CNTNAP2: variants seen among roughly 807,000 people sequenced by gnomAD.
CNTNAP2 encodes contactin-associated protein-like 2.
CNTNAP2 carries 98 observed loss-of-function variants against 155.2 expected under a neutral mutation model. The observed-to-expected ratio is 0.63, with a 90% CI of 0.54 to 0.75. The LOEUF is 0.75. CNTNAP2 is among the 30% of genes least tolerant of loss of function. The pLI, the probability that CNTNAP2 is intolerant of heterozygous loss-of-function variation, is 0.00. For missense variants in CNTNAP2, 1,727 were observed against 1,688.1 expected, an observed-to-expected ratio of 1.02 and a Z score of -0.40; for synonymous variants, 651 against 631.2, an observed-to-expected ratio of 1.03 and a Z score of -0.47.
intron 22 of CNTNAP2, among the ~76,000 whole-genome samples, chr7:148,387,221 G>A (rs550267483): frequency 2.2e-4 from 34 of 152,194 alleles, no homozygotes; most frequent in Admixed American, 2.2e-3. Flanking sequence ...ATACCAACTC[G>A]GGTTCTAAGT....
At chr7:147,145,465 C>T (rs945030667) in intron 8 of CNTNAP2, among the ~76,000 whole-genome samples, 1 of 152,088 alleles carries the variant, frequency 6.6e-6, no homozygotes, top group Non-Finnish European at 1.5e-5. Flanking sequence ...TATTTGTCAC[C>T]AAATGTCAAT....
intron 13 of CNTNAP2, among the ~76,000 whole-genome samples, chr7:147,719,546 A>G (rs902781553): frequency 1.3e-5 from 2 of 152,108 alleles, no homozygotes; most frequent in Admixed American, 1.3e-4. Flanking sequence ...AATAATAACA[A>G]CAGCAACCAC....
intron 10 of CNTNAP2, among the ~76,000 whole-genome samples, chr7:147,428,876 C>T (rs537507539): frequency 1.4e-4 from 21 of 152,048 alleles, no homozygotes; most frequent in Non-Finnish European, 2.8e-4. Context: ...GTGCACCTAT[C>T]ACCTGAGCAG....
intron 1 of CNTNAP2, among the ~76,000 whole-genome samples, chr7:146,509,837 C>A (rs1797440444): frequency 1.3e-5 from 2 of 152,182 alleles, no homozygotes; most frequent in African/African-American, 2.4e-5. Context: ...AGGCACACTC[C>A]TTCTCAGTGC....
At chr7:146,863,827 G>T (rs1367959438) in intron 3 of CNTNAP2, among the ~76,000 whole-genome samples, 1 of 152,058 alleles carries the variant, frequency 6.6e-6, no homozygotes, top group Non-Finnish European at 1.5e-5. Context: ...AGTGTTAGTT[G>T]CTATTATATA....
chr7:147,064,281 A>G (rs959786336), intron 4 of CNTNAP2, among the ~76,000 whole-genome samples: 1 of 152,214 alleles, frequency 6.6e-6, no homozygotes, highest in Non-Finnish European at 1.5e-5. Context: ...TTGATATATC[A>G]GAATTCTTAT....
intron 1 of CNTNAP2, among the ~76,000 whole-genome samples, chr7:146,473,479 C>G (rs912086488): frequency 3.9e-5 from 6 of 152,046 alleles, no homozygotes; most frequent in Non-Finnish European, 5.9e-5. Flanking sequence ...TCTTTCCTGT[C>G]CCTCAGGAAA....
Position 147,954,254 on chromosome 7 carries a change from A to T in CNTNAP2, c.2256-23608A>T, listed in dbSNP as rs533506837. ...TGGTGCCTCTCACAGAGACCTCTGT[A>T]AATCCTAAATTATCTTTTAAGACTT... On this transcript the variant is annotated intron_variant, in intron 14 of 23. Coordinates refer to ENST00000361727, the MANE Select transcript of CNTNAP2 (RefSeq NM_014141.6). Among the ~76,000 whole-genome samples the T allele has an allele frequency of 5.9e-5, 9 of 152,268 alleles. No homozygotes were observed. In the South Asian group the frequency reaches 8.3e-4, roughly 14 times the overall value.
At chr7:147,554,129 C>T (rs772407862) in intron 11 of CNTNAP2, among the ~76,000 whole-genome samples, 5 of 152,148 alleles carry the variant, frequency 3.3e-5, no homozygotes, top group Non-Finnish European at 7.4e-5. Flanking sequence ...TGTAGCATGC[C>T]TGTTGGATTT....
At chr7:147,187,725 A>G (rs1027261978) in intron 8 of CNTNAP2, among the ~76,000 whole-genome samples, 2 of 152,148 alleles carry the variant, frequency 1.3e-5, no homozygotes, top group Non-Finnish European at 2.9e-5. Context: ...CTGCATCTGT[A>G]CCCCTGAAGC....
chr7:146,700,985 A>G (rs1800867247), intron 1 of CNTNAP2, among the ~76,000 whole-genome samples: 1 of 152,188 alleles, frequency 6.6e-6, no homozygotes, highest in Non-Finnish European at 1.5e-5. Flanking sequence ...ATTGGAGAAC[A>G]GGACAAATGT....
At chr7:148,118,760 GAC>G (rs1179391291) in intron 16 of CNTNAP2, among the ~76,000 whole-genome samples, 1 of 152,148 alleles carries the variant, frequency 6.6e-6, no homozygotes, top group Non-Finnish European at 1.5e-5. Flanking sequence ...GCAATTCCAT[GAC>G]ACAGAGTCTG....
At chr7:148,388,040 T>C (rs949321456) in intron 22 of CNTNAP2, among the ~76,000 whole-genome samples, 2 of 152,196 alleles carry the variant, frequency 1.3e-5, no homozygotes, top group Non-Finnish European at 2.9e-5. Flanking sequence ...GAGGCATGAA[T>C]GATCCACCCC....
At chr7:146,887,350 G>C (rs1795688512) in intron 3 of CNTNAP2, among the ~76,000 whole-genome samples, 1 of 151,718 alleles carries the variant, frequency 6.6e-6, no homozygotes, top group African/African-American at 2.4e-5. Flanking sequence ...TTGTTTTTTT[G>C]TATTTTTAAT....
intron 9 of CNTNAP2, among the ~76,000 whole-genome samples, chr7:147,327,243 A>G (rs1042625050): frequency 6.6e-6 from 1 of 152,214 alleles, no homozygotes; most frequent in Non-Finnish European, 1.5e-5. Context: ...AATCCTCATG[A>G]TAGCCCTAGC....
intron 15 of CNTNAP2, among the ~76,000 whole-genome samples, chr7:147,984,206 T>C (rs1391083708): frequency 6.6e-6 from 1 of 152,122 alleles, no homozygotes; most frequent in Non-Finnish European, 1.5e-5. Context: ...TTGGTTGTGG[T>C]GGGTTTTAGC....
chr7:148,053,068 T>TA (rs1408711291), intron 15 of CNTNAP2, among the ~76,000 whole-genome samples: 1 of 151,546 alleles, frequency 6.6e-6, no homozygotes, highest in African/African-American at 2.4e-5. Flanking sequence ...AAACATCACC[T>TA]AAAAAAAAGT....
intron 11 of CNTNAP2, among the ~76,000 whole-genome samples, chr7:147,507,603 A>AGTGCAGTAGGG (rs1798930783): frequency 8.0e-6 from 1 of 124,550 alleles, no homozygotes; most frequent in African/African-American, 3.2e-5. Flanking sequence ...CCCAGGCTGG[A>AGTGCAGTAGGG]GTGCAGTAGG....
At chr7:146,322,611 G>A (rs1475543686) in intron 1 of CNTNAP2, among the ~76,000 whole-genome samples, 1 of 122,534 alleles carries the variant, frequency 8.2e-6, no homozygotes, top group Admixed American at 9.1e-5. Context: ...CTGTGAATAA[G>A]AGGAGACTGT....
Sources: gnomAD v4.1 joint callset for allele counts (sites outside exome capture counted in the v4.1 genomes callset) on GRCh38, gnomAD v4.1.1 for gene constraint, MANE v1.5 for transcripts, NCBI Gene and HGNC (gene_info 2026-07-23, HGNC 2026-07-21) for gene names.